The following FHIT variants were observed in gnomAD, a reference collection of about 807,000 sequenced individuals.
FHIT encodes the protein bis(5'-adenosyl)-triphosphatase.
Under a neutral mutation model 17.9 loss-of-function variants are expected in FHIT, and 19 were observed. The observed-to-expected ratio is 1.06, with a 90% CI of 0.74 to 1.56. The LOEUF (loss-of-function observed/expected upper bound fraction) is 1.56, where lower values mean the gene tolerates loss of function less well. Ranked by LOEUF, FHIT falls within the 40% of genes most tolerant of loss-of-function variation. The pLI is 0.00. For missense variants in FHIT, 248 were observed against 189.2 expected (o/e 1.31, Z -1.82); for synonymous variants, 81 against 69.7 (o/e 1.16, Z -0.81).
intron 4 of FHIT, among the ~76,000 whole-genome samples, chr3:60,713,633 G>T (rs2041601587): frequency 6.6e-6 from 1 of 152,166 alleles, no homozygotes; most frequent in Non-Finnish European, 1.5e-5. Flanking sequence ...ACTACCATCA[G>T]AGAATACTAT....
At chr3:60,942,314 G>T (rs1708447640) in intron 3 of FHIT, among the ~76,000 whole-genome samples, 1 of 152,146 alleles carries the variant, frequency 6.6e-6, no homozygotes, top group Admixed American at 6.5e-5. Context: ...TTGAGTGAAT[G>T]AATGAATTTT....
chr3:60,003,004 T>A (rs924436154), intron 7 of FHIT, among the ~76,000 whole-genome samples: 4 of 152,214 alleles, frequency 2.6e-5, no homozygotes, highest in African/African-American at 9.6e-5. Context: ...GAGAACTAGC[T>A]ATATGCTAAA....
intron 3 of FHIT, among the ~76,000 whole-genome samples, chr3:60,885,805 C>A (rs954645546): frequency 2.0e-5 from 3 of 152,178 alleles, no homozygotes; most frequent in African/African-American, 7.2e-5. Flanking sequence ...TGACATTTAA[C>A]TCTCAGCTCA....
intron 5 of FHIT, among the ~76,000 whole-genome samples, chr3:60,403,639 G>A (rs1701746406): frequency 6.6e-6 from 1 of 152,084 alleles, no homozygotes; most frequent in African/African-American, 2.4e-5. Context: ...AAAGCGTCCT[G>A]CCCCATACCC....
chr3:60,292,518 A>G (rs936659878), intron 5 of FHIT, among the ~76,000 whole-genome samples: 2 of 152,150 alleles, frequency 1.3e-5, no homozygotes, highest in African/African-American at 4.8e-5. Flanking sequence ...CCAAATATTT[A>G]TAGTTAGTCC....
intron 5 of FHIT, among the ~76,000 whole-genome samples, chr3:60,407,849 C>T (rs868415672): frequency 1.2e-4 from 19 of 152,128 alleles, no homozygotes; most frequent in African/African-American, 4.6e-4. Context: ...AATAAACACA[C>T]ATAAATTTTT....
intron 5 of FHIT, among the ~76,000 whole-genome samples, chr3:60,533,777 G>T (rs975710313): frequency 6.6e-6 from 1 of 152,116 alleles, no homozygotes. Flanking sequence ...GTACAATGAA[G>T]GTCCTTAAAA....
chr3:59,840,566 T>C (rs555884256), intron 8 of FHIT, among the ~76,000 whole-genome samples: 1 of 152,264 alleles, frequency 6.6e-6, no homozygotes, highest in East Asian at 1.9e-4. Flanking sequence ...CGCCAATTCA[T>C]AAGCAAGCAC....
chr3:60,406,349 C>T (rs1701856226), intron 5 of FHIT, among the ~76,000 whole-genome samples: 1 of 152,172 alleles, frequency 6.6e-6, no homozygotes, highest in Non-Finnish European at 1.5e-5. Flanking sequence ...ATCTTACATG[C>T]AAACTCAAAG....
At chr3:60,881,417 C>A (rs975118851) in intron 3 of FHIT, among the ~76,000 whole-genome samples, 57 of 152,166 alleles carry the variant, frequency 3.7e-4, no homozygotes, top group African/African-American at 1.4e-3. Context: ...GTTTATACTG[C>A]ATTTTAGCTC....
At chr3:61,173,199 C>G (rs535395949) in intron 2 of FHIT, among the ~76,000 whole-genome samples, 2 of 152,076 alleles carry the variant, frequency 1.3e-5, no homozygotes, top group South Asian at 4.2e-4. Context: ...GTTCATAATC[C>G]ATCCTGTCAT....
intron 8 of FHIT, among the ~76,000 whole-genome samples, chr3:59,825,890 C>T (rs772989319): frequency 5.3e-5 from 8 of 152,144 alleles, no homozygotes; most frequent in Non-Finnish European, 7.3e-5. Flanking sequence ...TCTTTAATGG[C>T]CATTTTATAT....
intron 4 of FHIT, among the ~76,000 whole-genome samples, chr3:60,677,470 G>A (rs993803045): frequency 2.6e-5 from 4 of 152,034 alleles, no homozygotes; most frequent in Non-Finnish European, 5.9e-5. Context: ...CCATGTTGTT[G>A]TAAAAGACAT....
intron 5 of FHIT, among the ~76,000 whole-genome samples, chr3:60,212,374 G>A (rs967018408): frequency 3.3e-5 from 5 of 152,050 alleles, no homozygotes; most frequent in South Asian, 2.1e-4. Context: ...GTATAAAAAC[G>A]TTAGGGTATT....
intron 4 of FHIT, among the ~76,000 whole-genome samples, chr3:60,610,935 G>C (rs545427793): frequency 6.6e-5 from 10 of 152,260 alleles, no homozygotes; most frequent in East Asian, 1.9e-4. Context: ...CATACTCCCT[G>C]AATGACATCA....
intron 3 of FHIT, among the ~76,000 whole-genome samples, chr3:60,965,288 AT>A: frequency 6.6e-6 from 1 of 152,186 alleles, no homozygotes; most frequent in African/African-American, 2.4e-5. Context: ...CCATCAGGTC[AT>A]TTAAGTTCTT....
chr3:60,336,566 A>G (rs1172770491), intron 5 of FHIT, among the ~76,000 whole-genome samples: 3 of 152,192 alleles, frequency 2.0e-5, no homozygotes, highest in Non-Finnish European at 4.4e-5. Context: ...CAAAATCTAA[A>G]TAGATCTGTG....
intron 5 of FHIT, among the ~76,000 whole-genome samples, chr3:60,088,835 C>T (rs1703609734): frequency 6.6e-6 from 1 of 152,114 alleles, no homozygotes; most frequent in Admixed American, 6.5e-5. Context: ...ATACCATTTG[C>T]TTTTTTATGC....
chr3:59,839,301 G>A (rs1390142461), intron 8 of FHIT, among the ~76,000 whole-genome samples: 2 of 141,600 alleles, frequency 1.4e-5, no homozygotes, highest in Admixed American at 1.5e-4. Context: ...ATGGGCAACA[G>A]AGCGAGACTT....
Sources: allele counts gnomAD v4.1 joint callset (sites outside exome capture counted in the v4.1 genomes callset), GRCh38; gene constraint gnomAD v4.1.1; transcripts MANE v1.5; gene names NCBI Gene and HGNC (gene_info 2026-07-23, HGNC 2026-07-21).